PDLIM1: variants seen among roughly 807,000 people sequenced by gnomAD.
PDLIM1 encodes the protein PDZ and LIM domain protein 1.
A neutral mutation model predicts 35.2 loss-of-function variants in PDLIM1; 25 were observed. That is an observed-to-expected ratio of 0.71 (90% confidence interval 0.52 to 0.99). The LOEUF (loss-of-function observed/expected upper bound fraction) is 0.99. PDLIM1 is among the 50% of genes least tolerant of loss of function. The pLI is 0.00. For synonymous variants in PDLIM1, 152 were observed against 154.0 expected (o/e 0.99, Z 0.10); for missense variants, 363 against 415.3 (o/e 0.87, Z 1.09).
chr10:95,289,993 C>G (rs2035637828), intron 1 of PDLIM1, among the ~76,000 whole-genome samples: 1 of 152,198 alleles, frequency 6.6e-6, no homozygotes, highest in African/African-American at 2.4e-5. Flanking sequence ...CTGGGGGTTT[C>G]ACTTTATTAG....
At position 95,237,681 on chromosome 10, in the gene PDLIM1, G is replaced by A. The variant is rs913057149; in HGVS notation, c.*244C>T. 1.4e-5 allele frequency: 7 copies of A among 489,180 alleles called. No homozygotes were observed. The highest frequency in any genetic ancestry group is 2.6e-5 in the Non-Finnish European group (7 of 273,132). The allele number at this position is 489,180 out of a possible 1,614,324, so 30.3% of individuals were successfully genotyped here. A position where few individuals can be genotyped will look rare whatever the true frequency, so the allele number is the denominator to read the frequency against. On this transcript the variant is annotated 3_prime_UTR_variant, in exon 7 of 7. Coordinates refer to ENST00000329399, the MANE Select transcript of PDLIM1 (RefSeq NM_020992.4). ...CAAATGCAGCAGAGAAGAACGGTGGGGCGAAGGGACACAGTGTTGCTGACA... is the reference window on the plus strand; with the variant it reads ...CAAATGCAGCAGAGAAGAACGGTGGAGCGAAGGGACACAGTGTTGCTGACA...
intron 4 of PDLIM1, 99 bp from the exon 5 acceptor site, chr10:95,247,465 G>A: frequency 1.1e-6 from 1 of 948,222 alleles, no homozygotes; most frequent in South Asian, 1.7e-5. Context: ...TTTGAAGGAT[G>A]GATAGAAATG....
chr10:95,239,176 T>C (rs1292866393), intron 5 of PDLIM1, among the ~76,000 whole-genome samples: 5 of 152,142 alleles, frequency 3.3e-5, no homozygotes, highest in Non-Finnish European at 2.9e-5. Flanking sequence ...ATCCCTTCTT[T>C]ACACCATATA....
At chr10:95,249,501 C>CA (rs2035250516) in intron 4 of PDLIM1, among the ~76,000 whole-genome samples, 5 of 152,354 alleles carry the variant, frequency 3.3e-5, no homozygotes, top group South Asian at 2.1e-4. Flanking sequence ...CAGATGCAGG[C>CA]AGTGGCCAGG....
intron 4 of PDLIM1, among the ~76,000 whole-genome samples, chr10:95,259,593 A>G (rs538270778): frequency 6.6e-6 from 1 of 152,244 alleles, no homozygotes; most frequent in South Asian, 2.1e-4. Flanking sequence ...GCACCAGGAG[A>G]AGAGAGAGGA....
chr10:95,264,092 AG>A lies in PDLIM1; in HGVS notation c.334-30del, dbSNP rs775498351. ...CAGGCAGGGATCAGAGGAGAAATCA[AG>A]GGGGGCATCCAATGCAAACCCCTTG... is the stretch of plus-strand genomic sequence containing the variant. On this transcript the variant is annotated intron_variant, in intron 3 of 6. Transcript: ENST00000329399. 38 of 1,597,660 alleles carry A rather than the reference AG, an allele frequency of 2.4e-5. No homozygotes were observed. In the South Asian group the frequency reaches 4.1e-4, roughly 17 times the overall value.
chr10:95,281,452 T>C (rs545127515), intron 1 of PDLIM1, among the ~76,000 whole-genome samples: 1 of 152,224 alleles, frequency 6.6e-6, no homozygotes, highest in South Asian at 2.1e-4. Context: ...TAGTCCCAGC[T>C]ACTCAAGGAG....
chr10:95,245,862 A>G (rs938777489), intron 5 of PDLIM1, among the ~76,000 whole-genome samples: 2 of 152,208 alleles, frequency 1.3e-5, no homozygotes, highest in Non-Finnish European at 2.9e-5. Context: ...TGTTCAGAAG[A>G]GAACTTTCTT....
At chr10:95,284,870 C>T (rs2035588732) in intron 1 of PDLIM1, among the ~76,000 whole-genome samples, 2 of 152,220 alleles carry the variant, frequency 1.3e-5, no homozygotes. Context: ...AAGTGCACCA[C>T]AGAACTCAGC....
At chr10:95,281,908 T>G (rs1030362686) in intron 1 of PDLIM1, among the ~76,000 whole-genome samples, 15 of 152,198 alleles carry the variant, frequency 9.9e-5, no homozygotes, top group African/African-American at 3.6e-4. Context: ...CCAACTGATT[T>G]AAAGTTCCTG....
chr10:95,275,648 CA>C (rs1475180172), intron 1 of PDLIM1, among the ~76,000 whole-genome samples: 2 of 152,158 alleles, frequency 1.3e-5, no homozygotes, highest in Non-Finnish European at 2.9e-5. Context: ...TGACCACTCA[CA>C]AAACTCAAAT....
chr10:95,268,969 A>G, intron 2 of PDLIM1, 107 bp from the exon 3 acceptor site: 1 of 742,660 alleles, frequency 1.3e-6, no homozygotes, highest in Non-Finnish European at 2.3e-6. Context: ...GCACTGAACT[A>G]GCACCCTCCC....
intron 1 of PDLIM1, among the ~76,000 whole-genome samples, chr10:95,280,403 C>T (rs2035551483): frequency 6.6e-6 from 1 of 152,136 alleles, no homozygotes; most frequent in South Asian, 2.1e-4. Flanking sequence ...TTTAAAAACT[C>T]TTGTGTTGCC....
chr10:95,258,432 G>T (rs1467265573), intron 4 of PDLIM1, among the ~76,000 whole-genome samples: 1 of 152,004 alleles, frequency 6.6e-6, no homozygotes, highest in East Asian at 1.9e-4. Flanking sequence ...ACCTGGAGGG[G>T]CAGAGTTTGT....
At chr10:95,238,877 A>G (rs1016497666) in intron 5 of PDLIM1, 192 bp from the exon 6 acceptor site, 4 of 515,616 alleles carry the variant, frequency 7.8e-6, no homozygotes, top group African/African-American at 7.6e-5. Flanking sequence ...ATAGGAGATT[A>G]ACACCTGGCC....
At chr10:95,288,681 C>T (rs182180927) in intron 1 of PDLIM1, among the ~76,000 whole-genome samples, 155 of 152,292 alleles carry the variant, frequency 1.0e-3, no homozygotes, top group African/African-American at 3.7e-3. Context: ...ATGACTTTCC[C>T]ATTCCCATGA....
intron 4 of PDLIM1, among the ~76,000 whole-genome samples, chr10:95,256,989 AG>A (rs1386080773): frequency 1.2e-5 from 1 of 82,812 alleles, no homozygotes; most frequent in Non-Finnish European, 3.2e-5. Context: ...AAAAAAAAAA[AG>A]AAAGAAAGAA....
rs199724701 is a variant in PDLIM1 at position 95,247,235 on chromosome 10, A to G, written c.665T>C (p.Ile222Thr). Residue 222 changes from isoleucine to threonine, a missense_variant, in exon 5 of 7, where the codon ATC becomes ACC. Ile to Thr is a moderately conservative substitution (Grantham distance 89, BLOSUM62 -1). Transcript: ENST00000329399. ...QSTSFLVLQE[I>T]LESEEKGDPN... ...ATTACCTTTTTCTTCAGACTCCAGG[A>G]TTTCCTGCAAAACCAAGAAAGACGT... The G allele has an allele frequency of 9.1e-5, 147 of 1,613,700 alleles. No individual in the cohort carries two copies. The highest frequency in any genetic ancestry group is 1.2e-4 in the Non-Finnish European group (137 of 1,179,910).
chr10:95,249,130 A>G (rs1384667555), intron 4 of PDLIM1, among the ~76,000 whole-genome samples: 2 of 152,346 alleles, frequency 1.3e-5, no homozygotes, highest in East Asian at 1.9e-4. Context: ...CACAGGTCAC[A>G]GTTCAGCAGG....
Sources: gnomAD v4.1 joint callset for allele counts (sites outside exome capture counted in the v4.1 genomes callset) on GRCh38, gnomAD v4.1.1 for gene constraint, MANE v1.5 for transcripts, NCBI Gene and HGNC (gene_info 2026-07-23, HGNC 2026-07-21) for gene names.